The following SHISA6 variants were observed in gnomAD, a reference collection of about 807,000 sequenced individuals.
SHISA6 encodes the protein protein shisa-6.
A neutral mutation model predicts 47.9 loss-of-function variants in SHISA6; 22 were observed. The observed-to-expected ratio is 0.46, with a 90% CI of 0.33 to 0.66. The LOEUF (loss-of-function observed/expected upper bound fraction) is 0.66, where lower values mean the gene tolerates loss of function less well. Among genes scored for constraint, SHISA6 ranks in the 30% least tolerant of loss-of-function variants. SHISA6 has a pLI of 0.02. For synonymous variants in SHISA6, 388 were observed against 337.8 expected, an observed-to-expected ratio of 1.15 and a Z score of -1.63; for missense variants, 680 against 764.6, an observed-to-expected ratio of 0.89 and a Z score of 1.30.
At chr17:11,448,093 CCTGGGAG>C (rs1915283671) in intron 3 of SHISA6, among the ~76,000 whole-genome samples, 1 of 152,160 alleles carries the variant, frequency 6.6e-6, no homozygotes, top group Non-Finnish European at 1.5e-5. Context: ...TTATAATCTC[CCTGGGAG>C]CTGGGAGCAC....
At chr17:11,529,553 T>C (rs886545396) in intron 3 of SHISA6, among the ~76,000 whole-genome samples, 2 of 152,160 alleles carry the variant, frequency 1.3e-5, no homozygotes, top group African/African-American at 2.4e-5. Flanking sequence ...TGTGTCCCAA[T>C]TGGGGATGGG....
chr17:11,257,886 T>G (rs1436830322), intron 1 of SHISA6, among the ~76,000 whole-genome samples: 1 of 152,200 alleles, frequency 6.6e-6, no homozygotes, highest in Non-Finnish European at 1.5e-5. Context: ...GTCTTGTAGT[T>G]TTTATATGAA....
chr17:11,524,696 G>A (rs994871689), intron 3 of SHISA6, among the ~76,000 whole-genome samples: 33 of 151,722 alleles, frequency 2.2e-4, no homozygotes, highest in African/African-American at 7.8e-4. Flanking sequence ...ACGGGGTTTC[G>A]CCATGTTGGC....
At chr17:11,390,633 C>T (rs961613265) in intron 3 of SHISA6, among the ~76,000 whole-genome samples, 1 of 152,156 alleles carries the variant, frequency 6.6e-6, no homozygotes, top group Non-Finnish European at 1.5e-5. Flanking sequence ...GAAGTCCCCT[C>T]AATGGCCTTT....
chr17:11,275,885 TC>T (rs150285663), intron 2 of SHISA6, among the ~76,000 whole-genome samples: 8,234 of 152,156 alleles, frequency 0.054, 472 homozygotes, highest in African/African-American at 0.15. Flanking sequence ...TCATGGGAGT[TC>T]TTGTAGGGCT....
In SHISA6 at chr17:11,306,585, T is replaced by A. The variant is rs147297737; in HGVS notation, c.799+43059T>A. On this transcript the variant is annotated intron_variant, in intron 2 of 5. Transcript: ENST00000441885. ...GTGACTGCACCTGAGTGGGCATTGG[T>A]GAGCCCGCCCTTTGGAGTCTGAAAA... Among the ~76,000 whole-genome samples the A allele has an allele frequency of 5.0e-4, 76 of 152,318 alleles. 1 individual carries two copies. In the East Asian group the frequency reaches 0.014, roughly 27 times the overall value.
intron 3 of SHISA6, among the ~76,000 whole-genome samples, chr17:11,436,617 G>A (rs192597784): frequency 2.0e-5 from 3 of 152,040 alleles, no homozygotes; most frequent in East Asian, 1.9e-4. Flanking sequence ...TTTTCTGCTC[G>A]ACTTTAAACA....
chr17:11,346,555 T>G (rs1223425668), intron 2 of SHISA6, among the ~76,000 whole-genome samples: 1 of 152,164 alleles, frequency 6.6e-6, no homozygotes, highest in Non-Finnish European at 1.5e-5. Context: ...TTCTAAATAA[T>G]AAAGCAAATC....
At chr17:11,303,230 A>G (rs1192043201) in intron 2 of SHISA6, among the ~76,000 whole-genome samples, 1 of 151,392 alleles carries the variant, frequency 6.6e-6, no homozygotes, top group Admixed American at 6.6e-5. Flanking sequence ...TGTAAGATTC[A>G]GTGTGATTGT....
chr17:11,453,778 T>C (rs80262806), intron 3 of SHISA6, among the ~76,000 whole-genome samples: 2,136 of 152,332 alleles, frequency 0.014, 101 homozygotes, highest in East Asian at 0.11. Context: ...AAAGGCATTA[T>C]GCGAGATGCA....
At chr17:11,424,777 G>A (rs1308174871) in intron 3 of SHISA6, among the ~76,000 whole-genome samples, 2 of 152,044 alleles carry the variant, frequency 1.3e-5, no homozygotes. Flanking sequence ...GCCGAGGCAG[G>A]TGGATCACGA....
intron 2 of SHISA6, among the ~76,000 whole-genome samples, chr17:11,368,219 G>T (rs1167167574): frequency 1.3e-5 from 2 of 152,194 alleles, no homozygotes; most frequent in Non-Finnish European, 2.9e-5. Context: ...CATGTCAGGA[G>T]CAAGACAGGG....
intron 2 of SHISA6, among the ~76,000 whole-genome samples, chr17:11,323,416 A>G (rs1255447524): frequency 1.3e-5 from 2 of 152,102 alleles, no homozygotes; most frequent in African/African-American, 4.8e-5. Context: ...GTACTTTGGG[A>G]GGCCGAGGCG....
intron 2 of SHISA6, among the ~76,000 whole-genome samples, chr17:11,378,109 A>C (rs544633866): frequency 6.6e-6 from 1 of 152,192 alleles, no homozygotes; most frequent in Non-Finnish European, 1.5e-5. Flanking sequence ...TGATCCAGAA[A>C]GTGGCATTAC....
At chr17:11,323,567 T>G (rs774596706) in intron 2 of SHISA6, among the ~76,000 whole-genome samples, 14 of 151,816 alleles carry the variant, frequency 9.2e-5, no homozygotes, top group Non-Finnish European at 2.1e-4. Context: ...GGCAGGAGAA[T>G]CTCTTGAACC....
chr17:11,392,638 G>T (rs1913423779), intron 3 of SHISA6, among the ~76,000 whole-genome samples: 1 of 152,198 alleles, frequency 6.6e-6, no homozygotes, highest in Admixed American at 6.5e-5. Flanking sequence ...GCAGCCACCA[G>T]AATCGTGAGC....
chr17:11,275,146 G>A (rs1908840943), intron 2 of SHISA6, among the ~76,000 whole-genome samples: 1 of 147,884 alleles, frequency 6.8e-6, no homozygotes, highest in Non-Finnish European at 1.5e-5. Context: ...CTGAGCAGGA[G>A]GAATTTTTTT....
chr17:11,477,073 T>C (rs1234380307), intron 3 of SHISA6, among the ~76,000 whole-genome samples: 1 of 152,214 alleles, frequency 6.6e-6, no homozygotes, highest in Non-Finnish European at 1.5e-5. Flanking sequence ...AAAATTAATA[T>C]AGCTACTCTC....
intron 2 of SHISA6, among the ~76,000 whole-genome samples, chr17:11,346,573 C>T (rs566806525): frequency 6.6e-6 from 1 of 152,284 alleles, no homozygotes; most frequent in South Asian, 2.1e-4. Flanking sequence ...ATCCATCAGT[C>T]TTTCCTGAGA....
Sources: gnomAD v4.1 joint callset for allele counts (sites outside exome capture counted in the v4.1 genomes callset) on GRCh38, gnomAD v4.1.1 for gene constraint, MANE v1.5 for transcripts, NCBI Gene and HGNC (gene_info 2026-07-23, HGNC 2026-07-21) for gene names.